GSTA5: variants seen among roughly 807,000 people sequenced by gnomAD.
The protein encoded by GSTA5 is glutathione S-transferase alpha 5, also known as glutathione S-transferase A5.
Under a neutral mutation model 21.8 loss-of-function variants are expected in GSTA5, and 25 were observed. The ratio of observed to expected loss-of-function variants is 1.14; its 90% confidence interval spans 0.83 to 1.60. The LOEUF is 1.60. Ranked by LOEUF, GSTA5 falls within the 40% of genes most tolerant of loss-of-function variation. The probability of loss-of-function intolerance (pLI) is 0.00; values close to 1 mark genes in which losing one functional copy is unlikely to be tolerated. For synonymous variants in GSTA5, 102 were observed against 89.5 expected (o/e 1.14, Z -0.78); for missense variants, 330 against 259.2 (o/e 1.27, Z -1.88).
At chr6:52,842,903 G>A (rs1159992848), upstream of GSTA5, among the ~76,000 whole-genome samples, 1 of 151,818 alleles carries the variant, frequency 6.6e-6, no homozygotes. Flanking sequence ...CCTTCCCTAG[G>A]CCCCCACCCC....
intron 3 of GSTA5, 98 bp downstream of exon 3, chr6:52,836,138 T>A: frequency 7.4e-7 from 1 of 1,344,234 alleles, no homozygotes; most frequent in East Asian, 2.3e-5. Context: ...CCCAGCCTGC[T>A]GCTGGTCATG....
chr6:52,836,278 C>A (rs567206499), exon 3 of GSTA5: 1 of 1,613,764 alleles, frequency 6.2e-7, no homozygotes, highest in Non-Finnish European at 8.5e-7. Flanking sequence ...GTTGTATTTG[C>A]TGGCAATGTA....
chr6:52,832,484 G>C lies in GSTA5; in HGVS notation c.546+375C>G, dbSNP rs566486990. Among the ~76,000 whole-genome samples, 167 of 152,292 alleles carry C rather than the reference G, an allele frequency of 1.1e-3. 1 individual carries two copies. The highest frequency in any genetic ancestry group is 3.7e-3 in the African/African-American group (152 of 41,558). On this transcript the variant is annotated intron_variant, in intron 5 of 5. Transcript: ENST00000370989. ...GAGCCAGAGCCCAGGGAGGAAACCA[G>C]ATGGAAAGGGCTCTGCTCAGACCAA...
chr6:52,838,446 C>T (rs1266623566), intron 1 of GSTA5, among the ~76,000 whole-genome samples: 1 of 152,118 alleles, frequency 6.6e-6, no homozygotes, highest in Non-Finnish European at 1.5e-5. Context: ...AGTAACTGCT[C>T]GTTAAATATA....
exon 3 of GSTA5, chr6:52,836,324 C>T (rs761749620): frequency 4.3e-6 from 7 of 1,613,452 alleles, no homozygotes; most frequent in Middle Eastern, 1.6e-4. Flanking sequence ...AGCTTCATCC[C>T]GTCAATCTCA....
At chr6:52,832,265 AT>A (rs1355277003) in intron 5 of GSTA5, among the ~76,000 whole-genome samples, 2 of 152,252 alleles carry the variant, frequency 1.3e-5, no homozygotes, top group Non-Finnish European at 2.9e-5. Flanking sequence ...AGAAAAATCA[AT>A]ATGCCTGTGA....
chr6:52,836,389 A>C (rs1415416646), intron 2 of GSTA5, 21 bp from the exon 3 acceptor site: 2 of 1,611,782 alleles, frequency 1.2e-6, no homozygotes, highest in Admixed American at 1.7e-5. Flanking sequence ...AGAAAAAAAA[A>C]GGAGTATGAA....
upstream of GSTA5, among the ~76,000 whole-genome samples, chr6:52,845,402 AG>A (rs1364093275): frequency 1.3e-5 from 2 of 152,222 alleles, no homozygotes; most frequent in Non-Finnish European, 2.9e-5. Flanking sequence ...GGTAAAGGGC[AG>A]GGACGCTTAG....
chr6:52,840,972 A>G (rs1764366683), upstream of GSTA5: 1 of 635,968 alleles, frequency 1.6e-6, no homozygotes, highest in East Asian at 2.9e-5. Flanking sequence ...AGTTCCTGGA[A>G]TGTTTTCTTG....
chr6:52,833,558 C>G (rs532082991), intron 4 of GSTA5, among the ~76,000 whole-genome samples: 1 of 152,148 alleles, frequency 6.6e-6, no homozygotes, highest in Non-Finnish European at 1.5e-5. Context: ...GGTTCCTAAC[C>G]GGCACTCTGT....
chr6:52,839,435 C>T (rs1382780675), intron 1 of GSTA5, among the ~76,000 whole-genome samples: 1 of 152,152 alleles, frequency 6.6e-6, no homozygotes, highest in Non-Finnish European at 1.5e-5. Flanking sequence ...AGGAAACAAC[C>T]TAGAATGATA....
chr6:52,845,375 G>A (rs981550788), upstream of GSTA5, among the ~76,000 whole-genome samples: 1 of 152,148 alleles, frequency 6.6e-6, no homozygotes, highest in Non-Finnish European at 1.5e-5. Context: ...GAGGGAGAGG[G>A]CGCTACAAAT....
intron 3 of GSTA5, 118 bp downstream of exon 3, chr6:52,836,118 A>T: frequency 9.0e-7 from 1 of 1,113,694 alleles, no homozygotes; most frequent in Non-Finnish European, 1.3e-6. Context: ...CTCAGCGTGC[A>T]TCCTCAAGAC....
chr6:52,838,955 T>C (rs1764328786), intron 1 of GSTA5, among the ~76,000 whole-genome samples: 2 of 152,242 alleles, frequency 1.3e-5, no homozygotes, highest in African/African-American at 4.8e-5. Context: ...TGGCTAATTA[T>C]ACTTTAATGG....
At chr6:52,843,926 T>C (rs1402845558), upstream of GSTA5, among the ~76,000 whole-genome samples, 1 of 152,178 alleles carries the variant, frequency 6.6e-6, no homozygotes, top group Non-Finnish European at 1.5e-5. Flanking sequence ...CGCCTCTCAA[T>C]ATGAGGTTTC....
At chr6:52,839,347 T>C (rs1449223251) in intron 1 of GSTA5, among the ~76,000 whole-genome samples, 1 of 151,980 alleles carries the variant, frequency 6.6e-6, no homozygotes, top group Non-Finnish European at 1.5e-5. Context: ...GAACTCTTCC[T>C]ACCCGGGCTC....
upstream of GSTA5, among the ~76,000 whole-genome samples, chr6:52,844,337 G>A (rs1764426004): frequency 6.6e-6 from 1 of 152,086 alleles, no homozygotes; most frequent in African/African-American, 2.4e-5. Flanking sequence ...AGGGTGAGAG[G>A]GGAACATCTA....
At position 52,831,701 on chromosome 6, in the gene GSTA5, AAG is replaced by A. The variant is rs1418014097; in HGVS notation, c.*145_*146del. ...ATCAATTTTAGCTAAGTTGACAGAT[AAG>A]AGTTATTTATTATTTAATTAGCATG... On this transcript the variant is annotated 3_prime_UTR_variant, in exon 6 of 6. Coordinates refer to ENST00000370989, the Ensembl canonical transcript of GSTA5. 1.7e-4 allele frequency: 161 copies of A among 935,880 alleles called. No homozygotes were observed. In the African/African-American group the frequency reaches 2.7e-3, roughly 15 times the overall value. 58.0% of individuals were successfully genotyped at this position (935,880 alleles called of 1,614,324 possible).
intron 4 of GSTA5, 87 bp downstream of exon 4, chr6:52,834,054 A>T: frequency 1.4e-6 from 2 of 1,432,726 alleles, no homozygotes; most frequent in Non-Finnish European, 2.0e-6. Context: ...CTGAAAGTGA[A>T]GGTCAGTGGC....
Sources: allele counts gnomAD v4.1 joint callset (sites outside exome capture counted in the v4.1 genomes callset), GRCh38; gene constraint gnomAD v4.1.1; transcripts MANE v1.5; gene names NCBI Gene and HGNC (gene_info 2026-07-23, HGNC 2026-07-21).